COL28A1: variants seen among roughly 807,000 people sequenced by gnomAD.
COL28A1 encodes collagen alpha-1(XXVIII) chain.
In COL28A1, 161 loss-of-function variants were observed where a neutral mutation model predicts 150.2. The observed-to-expected ratio is 1.07, with a 90% CI of 0.94 to 1.22. The LOEUF is 1.22. Among genes scored for constraint, COL28A1 ranks in the 50% most tolerant of loss-of-function variants. COL28A1 has a pLI of 0.00. For missense variants in COL28A1, 1,617 were observed against 1,388.3 expected (o/e 1.16, Z -2.62); for synonymous variants, 552 against 469.7 (o/e 1.18, Z -2.26).
intron 27 of COL28A1, among the ~76,000 whole-genome samples, chr7:7,415,354 T>C (rs1234960605): frequency 6.6e-6 from 1 of 152,228 alleles, no homozygotes; most frequent in Non-Finnish European, 1.5e-5. Flanking sequence ...CTCAGAAGAA[T>C]GCCACCAATT....
At chr7:7,478,021 C>G (rs1299445455) in intron 13 of COL28A1, among the ~76,000 whole-genome samples, 2 of 152,170 alleles carry the variant, frequency 1.3e-5, no homozygotes, top group Non-Finnish European at 2.9e-5. Context: ...TATTTACAAA[C>G]CCTGAGCTAG....
intron 3 of COL28A1, 130 bp downstream of exon 3, chr7:7,531,218 C>T (rs1179118154): frequency 1.5e-5 from 7 of 478,988 alleles, no homozygotes; most frequent in South Asian, 9.7e-5. Flanking sequence ...CAGAAAGATT[C>T]TTCTTTCTGT....
At chr7:7,497,533 A>G (rs1780286958) in intron 11 of COL28A1, among the ~76,000 whole-genome samples, 1 of 152,168 alleles carries the variant, frequency 6.6e-6, no homozygotes. Context: ...TTAAACCCAA[A>G]TCTTAATCAC....
At chr7:7,449,461 G>A (rs533668816) in intron 18 of COL28A1, among the ~76,000 whole-genome samples, 2 of 151,876 alleles carry the variant, frequency 1.3e-5, no homozygotes, top group East Asian at 1.9e-4. Flanking sequence ...ACTTAAGAGT[G>A]AAATTTTAGA....
At position 7,444,466 on chromosome 7, in the gene COL28A1, G is replaced by A; in HGVS notation, c.1533C>T (p.Leu511=). ...CTCCTGGTACTCCTGGTTGTCCTGGGAGCCCTATTGAGCCTGGCTCTCCCT... is the reference window on the plus strand; with the variant it reads ...CTCCTGGTACTCCTGGTTGTCCTGGAAGCCCTATTGAGCCTGGCTCTCCCT... The part of the protein sequence containing the change: ...GPKGEPGSIG[L]PGQPGVPGED... The change falls in exon 19 of 35, where the codon CTC becomes CTT. Residue 511 remains leucine, a synonymous_variant. Coordinates refer to ENST00000399429, the MANE Select transcript of COL28A1 (RefSeq NM_001037763.3). 1.2e-6 allele frequency: 2 copies of A among 1,613,718 alleles called. No homozygotes were observed. The highest frequency in any genetic ancestry group is 1.7e-6 in the Non-Finnish European group (2 of 1,179,920).
At chr7:7,393,185 G>T (rs1205611725) in intron 27 of COL28A1, among the ~76,000 whole-genome samples, 1 of 152,198 alleles carries the variant, frequency 6.6e-6, no homozygotes. Flanking sequence ...ATTACTTTCT[G>T]TTTGTTAGTT....
intron 27 of COL28A1, among the ~76,000 whole-genome samples, chr7:7,396,364 C>T (rs926013395): frequency 6.6e-6 from 1 of 152,164 alleles, no homozygotes; most frequent in Admixed American, 6.6e-5. Flanking sequence ...TTCACTAATA[C>T]TTTCACTCAA....
At chr7:7,523,886 C>A (rs1781879757) in intron 4 of COL28A1, among the ~76,000 whole-genome samples, 1 of 152,062 alleles carries the variant, frequency 6.6e-6, no homozygotes, top group South Asian at 2.1e-4. Context: ...CCAGGAACAC[C>A]CCCCAAAATA....
chr7:7,355,803 A>T (rs895501259), downstream of COL28A1, among the ~76,000 whole-genome samples: 3 of 152,208 alleles, frequency 2.0e-5, no homozygotes, highest in Non-Finnish European at 4.4e-5. Context: ...GAATGTTTAC[A>T]TACTCTGCAA....
At chr7:7,440,939 A>T in intron 20 of COL28A1, 78 bp from the exon 21 acceptor site, 1 of 738,328 alleles carries the variant, frequency 1.4e-6, no homozygotes, top group East Asian at 2.5e-5. Context: ...ACCATAGCGG[A>T]GCCGGATTCT....
At chr7:7,525,963 C>T (rs1009727672) in intron 3 of COL28A1, among the ~76,000 whole-genome samples, 7 of 152,164 alleles carry the variant, frequency 4.6e-5, no homozygotes, top group Non-Finnish European at 1.0e-4. Flanking sequence ...CCCAACCAAA[C>T]GATTTTAAAT....
chr7:7,382,040 TG>T (rs1389397152), intron 27 of COL28A1, among the ~76,000 whole-genome samples: 17 of 152,296 alleles, frequency 1.1e-4, no homozygotes, highest in African/African-American at 3.8e-4. Context: ...CTGGGCACGG[TG>T]GCTCATGCCT....
chr7:7,464,477 T>C (rs1397164729), intron 15 of COL28A1, among the ~76,000 whole-genome samples: 1 of 152,130 alleles, frequency 6.6e-6, no homozygotes, highest in Non-Finnish European at 1.5e-5. Flanking sequence ...CAGACCACAG[T>C]GGAATAAAAC....
At chr7:7,474,472 C>A in intron 15 of COL28A1, 129 bp downstream of exon 15, 1 of 500,668 alleles carries the variant, frequency 2.0e-6, no homozygotes, top group Middle Eastern at 3.1e-4. Context: ...AAAGAATATA[C>A]TAGATTTATA....
intron 27 of COL28A1, among the ~76,000 whole-genome samples, chr7:7,407,622 T>C (rs1305826368): frequency 6.6e-6 from 1 of 152,060 alleles, no homozygotes; most frequent in Non-Finnish European, 1.5e-5. Flanking sequence ...GAAAAAAAGA[T>C]ACTTTCAGGC....
chr7:7,342,929 A>G, the COL28A1 span, among the ~76,000 whole-genome samples: 1 of 151,920 alleles, frequency 6.6e-6, no homozygotes, highest in South Asian at 2.1e-4. Flanking sequence ...AGAGTTTTCT[A>G]GAGTTGACCT....
intron 13 of COL28A1, among the ~76,000 whole-genome samples, chr7:7,483,413 A>G (rs896811627): frequency 1.3e-5 from 2 of 152,196 alleles, no homozygotes; most frequent in African/African-American, 4.8e-5. Context: ...GGTATGAATG[A>G]CAAGAATCTT....
At position 7,358,781 on chromosome 7, in the gene COL28A1, T is replaced by C. The variant is rs1270041986; in HGVS notation, c.3230A>G (p.Lys1077Arg). Residue 1077 changes from lysine (K) to arginine (R), a missense_variant, in exon 35 of 35, where the codon AAG (lysine) becomes AGG (arginine). Physicochemically the swap from Lys to Arg is conservative, Grantham distance 26 (BLOSUM62 2). Coordinates refer to ENST00000399429, the MANE Select transcript of COL28A1 (RefSeq NM_001037763.3). The part of the protein sequence containing the change: ...AEDPRCLEAL[K>R]PGNCGEYVVR... ...CACATATTCACCACAGTTTCCAGGCTTCAAGGCTTCCAAACATCTAGGATC... is the reference window on the plus strand; with the variant it reads ...CACATATTCACCACAGTTTCCAGGCCTCAAGGCTTCCAAACATCTAGGATC... The C allele has an allele frequency of 1.9e-6, 3 of 1,613,850 alleles. No homozygotes were observed. Among genetic ancestry groups the C allele is most frequent in the Non-Finnish European group, 2.5e-6 (3 of 1,179,858 alleles).
the COL28A1 span, among the ~76,000 whole-genome samples, chr7:7,343,208 A>C: frequency 6.6e-6 from 1 of 151,402 alleles, no homozygotes; most frequent in African/African-American, 2.4e-5. Flanking sequence ...TATCCTACTT[A>C]AGATTCACTG....
Sources: gnomAD v4.1 joint callset for allele counts (sites outside exome capture counted in the v4.1 genomes callset) on GRCh38, gnomAD v4.1.1 for gene constraint, MANE v1.5 for transcripts, NCBI Gene and HGNC (gene_info 2026-07-23, HGNC 2026-07-21) for gene names.